The following TPM3 variants were observed in gnomAD, a reference collection of about 807,000 sequenced individuals.
The protein encoded by TPM3 is tropomyosin 3.
TPM3 carries 16 observed loss-of-function variants against 43.1 expected under a neutral mutation model. The observed-to-expected ratio is 0.37, with a 90% CI of 0.25 to 0.56. The LOEUF (loss-of-function observed/expected upper bound fraction) is 0.56. TPM3 is among the 20% of genes least tolerant of loss of function. The pLI is 0.77. For missense variants in TPM3, 176 were observed against 337.2 expected, an observed-to-expected ratio of 0.52 and a Z score of 3.74; for synonymous variants, 101 against 116.9, an observed-to-expected ratio of 0.86 and a Z score of 0.88.
intron 2 of TPM3, among the ~76,000 whole-genome samples, chr1:154,186,889 A>G (rs2148289300): frequency 6.6e-6 from 1 of 151,816 alleles, no homozygotes; most frequent in South Asian, 2.1e-4. Flanking sequence ...AAGGCTTCTC[A>G]GATAACCAGA....
At chr1:154,182,999 C>T (rs1428699992) in intron 2 of TPM3, 1 of 1,610,882 alleles carries the variant, frequency 6.2e-7, no homozygotes, top group South Asian at 1.1e-5. Flanking sequence ...TGTTCCCGGG[C>T]CCGCCTTTCT....
chr1:154,190,227 CCA>C (rs748350839), intron 2 of TPM3, among the ~76,000 whole-genome samples: 20 of 152,352 alleles, frequency 1.3e-4, no homozygotes, highest in Non-Finnish European at 2.1e-4. Flanking sequence ...CAGGCGTGAG[CCA>C]CCGCACCCAG....
chr1:154,166,453 G>T lies in TPM3; in HGVS notation c.*1484C>A. On this transcript the variant is annotated 3_prime_UTR_variant, in exon 10 of 10. Coordinates refer to ENST00000651641, the MANE Select transcript of TPM3 (RefSeq NM_152263.4). ...TTAGTGAGGACATCTGACCTGCATA[G>T]CACACTACAGTGCAGAACTCCTGGG... 1 of 863,522 alleles carries T rather than the reference G, an allele frequency of 1.2e-6. No individual in the cohort carries two copies. Among genetic ancestry groups the T allele is most frequent in the Non-Finnish European group, 1.4e-6 (1 of 697,352 alleles). 53.5% of individuals were successfully genotyped at this position (863,522 alleles called of 1,614,324 possible). A position where few individuals can be genotyped will look rare whatever the true frequency, so the allele number is the denominator to read the frequency against.
downstream of TPM3, chr1:154,157,693 G>T: frequency 1.3e-6 from 1 of 780,770 alleles, no homozygotes; most frequent in Non-Finnish European, 2.4e-6. Flanking sequence ...GTGTACAGAG[G>T]TGCTCCTCTT....
chr1:154,175,699 T>G (rs542577568), intron 3 of TPM3, among the ~76,000 whole-genome samples: 1 of 152,318 alleles, frequency 6.6e-6, no homozygotes, highest in South Asian at 2.1e-4. Flanking sequence ...ATCCAGAAAG[T>G]AGAAGTCATA....
At position 154,169,664 on chromosome 1, in the gene TPM3, G is replaced by T; in HGVS notation, c.776-281C>A. ...TTCCTATTACCAAAAGCACTCAAGA[G>T]GATACCACTCCCATCCAGGTACCCA... On this transcript the variant is annotated intron_variant, in intron 8 of 9. Coordinates refer to ENST00000651641, the MANE Select transcript of TPM3 (RefSeq NM_152263.4). 4 of 537,974 alleles carry T rather than the reference G, an allele frequency of 7.4e-6. No individual in the cohort carries two copies. The South Asian group carries it at 8.4e-5, about 11-fold the overall frequency. 33.3% of individuals were successfully genotyped at this position (537,974 alleles called of 1,614,324 possible). A position where few individuals can be genotyped will look rare whatever the true frequency, so the allele number is the denominator to read the frequency against.
At chr1:154,190,850 G>A (rs1417025096) in intron 2 of TPM3, among the ~76,000 whole-genome samples, 3 of 152,194 alleles carry the variant, frequency 2.0e-5, no homozygotes, top group African/African-American at 7.2e-5. Flanking sequence ...GTGGCATGGG[G>A]GAGGAGGTAG....
At chr1:154,161,460 A>C (rs1265873652), downstream of TPM3, among the ~76,000 whole-genome samples, 6 of 58,188 alleles carry the variant, frequency 1.0e-4, no homozygotes, top group African/African-American at 4.4e-4. Flanking sequence ...TTTTTTTTTG[A>C]GTTTCACTCT....
chr1:154,168,210 T>C (rs551450630), intron 9 of TPM3, among the ~76,000 whole-genome samples: 2 of 152,212 alleles, frequency 1.3e-5, no homozygotes, highest in Non-Finnish European at 2.9e-5. Flanking sequence ...GGCTTGCTTC[T>C]GGGACTCAGC....
chr1:154,170,365 T>C (rs1303736489), intron 8 of TPM3, 35 bp downstream of exon 8: 2 of 1,606,550 alleles, frequency 1.2e-6, no homozygotes, highest in Non-Finnish European at 1.7e-6. Context: ...TTCCTCTATA[T>C]TTCTCTATTT....
chr1:154,183,058 G>A (rs1457707487), intron 2 of TPM3: 2 of 1,605,214 alleles, frequency 1.2e-6, no homozygotes, highest in Non-Finnish European at 1.7e-6. Flanking sequence ...TGCATCATCT[G>A]CCTGCTGCTG....
At chr1:154,174,407 T>TATATATATATATATATAC (rs1261318136) in intron 3 of TPM3, among the ~76,000 whole-genome samples, 10 of 72,688 alleles carry the variant, frequency 1.4e-4, no homozygotes, top group East Asian at 5.8e-4. Context: ...TATATATATA[T>TATATATATATATATATAC]ACACACAAAA....
chr1:154,157,470 G>A, downstream of TPM3: 5 of 732,362 alleles, frequency 6.8e-6, no homozygotes, highest in East Asian at 2.4e-5. Context: ...CCGGGAAGAG[G>A]CAGAGACAGT....
chr1:154,169,736 G>A (rs932241921), intron 8 of TPM3: 13 of 391,350 alleles, frequency 3.3e-5, no homozygotes, highest in African/African-American at 2.5e-4. Flanking sequence ...AGCAAAGGGA[G>A]AGAGTATATA....
chr1:154,169,610 G>T, intron 8 of TPM3: 1 of 598,418 alleles, frequency 1.7e-6, no homozygotes, highest in Non-Finnish European at 3.0e-6. Context: ...AGCAAGGGCT[G>T]AGAACCTGGG....
downstream of TPM3, among the ~76,000 whole-genome samples, chr1:154,159,769 A>T (rs1052712517): frequency 7.2e-5 from 11 of 151,988 alleles, no homozygotes; most frequent in Non-Finnish European, 1.5e-4. Flanking sequence ...AACCAATGAG[A>T]TGTAGAAAGA....
At chr1:154,174,407 T>TATATACATACAC (rs1261318136) in intron 3 of TPM3, among the ~76,000 whole-genome samples, 2 of 72,678 alleles carry the variant, frequency 2.8e-5, no homozygotes, top group African/African-American at 1.0e-4. Context: ...TATATATATA[T>TATATACATACAC]ACACACAAAA....
intron 2 of TPM3, among the ~76,000 whole-genome samples, chr1:154,178,648 A>ACAGG (rs1662611955): frequency 6.6e-6 from 1 of 152,226 alleles, no homozygotes; most frequent in Non-Finnish European, 1.5e-5. Flanking sequence ...AAGAGATTGA[A>ACAGG]CAGGCCTACT....
At chr1:154,181,197 G>A (rs1009671010) in intron 2 of TPM3, among the ~76,000 whole-genome samples, 6 of 152,132 alleles carry the variant, frequency 3.9e-5, no homozygotes, top group African/African-American at 1.4e-4. Flanking sequence ...CTAGAAAAAG[G>A]TGTCTGAGGA....
Sources: gnomAD v4.1 joint callset for allele counts (sites outside exome capture counted in the v4.1 genomes callset) on GRCh38, gnomAD v4.1.1 for gene constraint, MANE v1.5 for transcripts, NCBI Gene and HGNC (gene_info 2026-07-23, HGNC 2026-07-21) for gene names.